RTN4: variants seen among roughly 807,000 people sequenced by gnomAD.
RTN4 encodes reticulon-4.
Under a neutral mutation model 90.4 loss-of-function variants are expected in RTN4, and 32 were observed. That is an observed-to-expected ratio of 0.35 (90% confidence interval 0.27 to 0.48). RTN4 has a LOEUF of 0.48. RTN4 is among the 20% of genes least tolerant of loss of function. RTN4 has a pLI of 0.99. For synonymous variants in RTN4, 629 were observed against 552.5 expected (o/e 1.14, Z -1.94); for missense variants, 1,706 against 1,430.2 (o/e 1.19, Z -3.11).
At chr2:55,072,270 C>T (rs909425784) in intron 2 of RTN4, among the ~76,000 whole-genome samples, 3 of 151,594 alleles carry the variant, frequency 2.0e-5, no homozygotes, top group African/African-American at 7.3e-5. Context: ...CGTTCTGTCT[C>T]CCAGGCTGGA....
At chr2:55,131,273 A>T in the RTN4 span, among the ~76,000 whole-genome samples, 2 of 151,770 alleles carry the variant, frequency 1.3e-5, no homozygotes, top group Admixed American at 6.6e-5. Context: ...CAGTGGTGCA[A>T]TCTCAGCTCA....
the RTN4 span, among the ~76,000 whole-genome samples, chr2:55,132,935 G>A: frequency 3.3e-5 from 5 of 151,350 alleles, no homozygotes; most frequent in African/African-American, 1.2e-4. Context: ...AACATGGCCG[G>A]GTGTGGTGGC....
At chr2:55,001,109 A>C (rs1358105086) in intron 3 of RTN4, among the ~76,000 whole-genome samples, 1 of 152,186 alleles carries the variant, frequency 6.6e-6, no homozygotes, top group East Asian at 1.9e-4. Flanking sequence ...CAGCATATAA[A>C]GCAACGAAAA....
chr2:55,084,303 CTTT>C (rs145530803), intron 1 of RTN4, among the ~76,000 whole-genome samples: 12 of 141,164 alleles, frequency 8.5e-5, no homozygotes, highest in Non-Finnish European at 1.2e-4. Context: ...TCCCCCCTGC[CTTT>C]TTTTTTTTTT....
chr2:55,083,530 CA>C (rs1668774623), intron 1 of RTN4, among the ~76,000 whole-genome samples: 1 of 152,074 alleles, frequency 6.6e-6, no homozygotes, highest in Non-Finnish European at 1.5e-5. Context: ...GATGTGAATT[CA>C]TATACTATGA....
chr2:54,976,573 A>G (rs1404585307), intron 5 of RTN4, among the ~76,000 whole-genome samples: 1 of 152,184 alleles, frequency 6.6e-6, no homozygotes, highest in Non-Finnish European at 1.5e-5. Context: ...GCTATCATAT[A>G]ATTTTTAAAT....
At chr2:54,985,149 C>T (rs1222452876) in intron 4 of RTN4, among the ~76,000 whole-genome samples, 5 of 128,828 alleles carry the variant, frequency 3.9e-5, no homozygotes, top group Non-Finnish European at 4.8e-5. Flanking sequence ...TAATATGACT[C>T]GGCCTTTTTT....
At chr2:55,019,505 G>A (rs1204550730) in intron 3 of RTN4, among the ~76,000 whole-genome samples, 3 of 152,138 alleles carry the variant, frequency 2.0e-5, no homozygotes, top group African/African-American at 7.2e-5. Flanking sequence ...CTGATGAATA[G>A]CAGATAACTC....
chr2:55,033,235 A>G (rs191916203), intron 1 of RTN4, among the ~76,000 whole-genome samples: 12 of 152,262 alleles, frequency 7.9e-5, no homozygotes, highest in East Asian at 7.7e-4. Flanking sequence ...CAGTCAGAGG[A>G]AAAAAGCAGG....
rs143731974 is a variant in RTN4 at position 54,994,019 on chromosome 2, T to C, written c.3014-6321A>G. Among the ~76,000 whole-genome samples, 371 of 152,338 alleles carry C rather than the reference T, an allele frequency of 2.4e-3. 5 individuals are homozygous for C. The highest frequency in any genetic ancestry group is 0.01 in the Middle Eastern group (3 of 294). On this transcript the variant is annotated intron_variant, in intron 3 of 8. Coordinates refer to ENST00000337526, the MANE Select transcript of RTN4 (RefSeq NM_020532.5). The stretch of plus-strand genomic sequence containing the variant: ...ACTTAATTGACATTTGCCAACAAAA[T>C]TTCTAGTCCCTTACAGATTCCTCAA...
chr2:55,002,501 A>G (rs1481719338), intron 3 of RTN4, among the ~76,000 whole-genome samples: 1 of 152,166 alleles, frequency 6.6e-6, no homozygotes, highest in Non-Finnish European at 1.5e-5. Flanking sequence ...AACACCATAC[A>G]TGCTTCATTT....
At chr2:55,094,748 G>A (rs1352467054) in intron 1 of RTN4, among the ~76,000 whole-genome samples, 1 of 152,096 alleles carries the variant, frequency 6.6e-6, no homozygotes, top group African/African-American at 2.4e-5. Context: ...AAACGTTTGA[G>A]GCACAAGGAA....
intron 1 of RTN4, among the ~76,000 whole-genome samples, chr2:55,029,507 C>A (rs1250725709): frequency 6.6e-6 from 1 of 152,018 alleles, no homozygotes; most frequent in Non-Finnish European, 1.5e-5. Flanking sequence ...ACAGAGAGAA[C>A]CTAATAAATT....
In RTN4 at chr2:55,027,183, C is replaced by T; in HGVS notation, c.916G>A (p.Val306Ile). 2.5e-6 allele frequency: 4 copies of T among 1,613,682 alleles called. No homozygotes were observed. Among genetic ancestry groups the T allele is most frequent in the Non-Finnish European group, 3.4e-6 (4 of 1,179,782 alleles). ...EYSEMGSSFS[V>I]SPKAESAVIV... ...ACGGCAGATTCTGCTTTTGGAGAGA[C>T]ACTGAACGATGATCCCATTTCTGAG... Residue 306 changes from valine to isoleucine, a missense_variant, in exon 3 of 9, where the codon GTC becomes ATC. Transcript: ENST00000337526.
At position 55,104,970 on chromosome 2, in the gene RTN4, C is replaced by T. The variant is rs547575337; in HGVS notation, c.-214+7550G>A. 4.5e-4 allele frequency among the ~76,000 whole-genome samples: 69 copies of T among 151,842 alleles called. 1 individual carries two copies. The highest frequency in any genetic ancestry group is 7.8e-4 in the Non-Finnish European group (53 of 67,984). ...CACAGGAGCATACCACTACGCCAGGCTAATTTTTATATTTTTTGTAGAGAT... is the reference window on the plus strand; with the variant it reads ...CACAGGAGCATACCACTACGCCAGGTTAATTTTTATATTTTTTGTAGAGAT... On this transcript the variant is annotated intron_variant, in intron 1 of 3. Transcript: ENST00000427710.
chr2:54,973,170 G>C lies in RTN4; in HGVS notation c.3565C>G (p.Arg1189Gly), dbSNP rs200000051. ...TTTGGGCGTTTTCATTCAGCTTTGC[G>C]CTTCAATCCAGGGATTTTTGCTTGG... The part of the protein sequence containing the change: ...KIQAKIPGLK[R>G]KAE The change falls in exon 9 of 9, where the codon CGC (arginine) becomes GGC (glycine). Residue 1189 changes from arginine (R) to glycine (G), a missense_variant. Physicochemically the swap from Arg to Gly is moderately radical, Grantham distance 125. Coordinates refer to ENST00000337526, the MANE Select transcript of RTN4 (RefSeq NM_020532.5). 1.9e-6 allele frequency: 3 copies of C among 1,604,160 alleles called. No homozygotes were observed. Among genetic ancestry groups the C allele is most frequent in the Non-Finnish European group, 2.6e-6 (3 of 1,172,032 alleles).
intron 3 of RTN4, among the ~76,000 whole-genome samples, chr2:55,002,110 G>A (rs1191347898): frequency 2.6e-5 from 4 of 151,922 alleles, no homozygotes; most frequent in African/African-American, 9.7e-5. Context: ...CCAGGCTGGA[G>A]CAGAGTGGCA....
intron 1 of RTN4, among the ~76,000 whole-genome samples, chr2:55,087,502 T>C (rs1668863437): frequency 1.3e-5 from 2 of 152,192 alleles, no homozygotes; most frequent in Admixed American, 6.5e-5. Context: ...TTCTACCACT[T>C]GTTTCTGAGA....
At chr2:55,004,673 G>C (rs1573357421) in intron 3 of RTN4, among the ~76,000 whole-genome samples, 2 of 152,078 alleles carry the variant, frequency 1.3e-5, no homozygotes, top group African/African-American at 4.8e-5. Flanking sequence ...CTGAACAATG[G>C]AGTTCTCAGC....
Sources: gnomAD v4.1 joint callset for allele counts (sites outside exome capture counted in the v4.1 genomes callset) on GRCh38, gnomAD v4.1.1 for gene constraint, MANE v1.5 for transcripts, NCBI Gene and HGNC (gene_info 2026-07-23, HGNC 2026-07-21) for gene names.